Variants in CNTN4 observed in about 807,000 individuals in gnomAD.
The protein encoded by CNTN4 is contactin-4.
Under a neutral mutation model 122.5 loss-of-function variants are expected in CNTN4, and 77 were observed. The ratio of observed to expected loss-of-function variants is 0.63; its 90% confidence interval spans 0.52 to 0.76. The LOEUF (loss-of-function observed/expected upper bound fraction) is 0.76. CNTN4 is among the 30% of genes least tolerant of loss of function. The pLI, the probability that CNTN4 is intolerant of heterozygous loss-of-function variation, is 0.00. For synonymous variants in CNTN4, 512 were observed against 447.0 expected, an observed-to-expected ratio of 1.15 and a Z score of -1.83; for missense variants, 1,256 against 1,259.1, an observed-to-expected ratio of 1.00 and a Z score of 0.04.
intron 12 of CNTN4, among the ~76,000 whole-genome samples, chr3:2,905,583 A>G (rs1450208677): frequency 6.6e-6 from 1 of 152,224 alleles, no homozygotes; most frequent in East Asian, 1.9e-4. Flanking sequence ...TAGGATTTCA[A>G]CATAGGAATT....
intron 4 of CNTN4, among the ~76,000 whole-genome samples, chr3:2,671,831 C>T (rs1031109721): frequency 6.6e-6 from 1 of 152,216 alleles, no homozygotes; most frequent in Non-Finnish European, 1.5e-5. Flanking sequence ...GGACCCTCAG[C>T]TGCAGGTCTG....
intron 7 of CNTN4, 77 bp downstream of exon 7, chr3:2,819,658 C>T: frequency 1.9e-6 from 2 of 1,056,460 alleles, no homozygotes; most frequent in South Asian, 2.6e-5. Flanking sequence ...CTCCTGACAC[C>T]AGCTGAGTGC....
chr3:2,430,149 C>T (rs980326516), intron 3 of CNTN4, among the ~76,000 whole-genome samples: 2 of 152,072 alleles, frequency 1.3e-5, no homozygotes, highest in South Asian at 2.1e-4. Flanking sequence ...ATTGGCCGGG[C>T]TCAGTGGCTC....
At position 3,040,108 on chromosome 3, in the gene CNTN4, G is replaced by T. The variant is rs1300959606; in HGVS notation, c.2235G>T (p.Met745Ile). 1 of 1,614,204 alleles carries T rather than the reference G, an allele frequency of 6.2e-7. No individual in the cohort carries two copies. The highest frequency in any genetic ancestry group is 8.5e-7 in the Non-Finnish European group (1 of 1,180,006). ...YVVAFRPYGKMIWMLTVLASA... is the reference protein window; with the variant it reads ...YVVAFRPYGKIIWMLTVLASA... ...TGGCCTTCCGGCCCTACGGTAAAAT[G>T]ATCTGGATGCTGACAGTGCTGGCCT... The change falls in exon 20 of 25, where the codon ATG becomes ATT. Residue 745 changes from methionine (M) to isoleucine (I), a missense_variant. Coordinates refer to ENST00000418658, the MANE Select transcript of CNTN4 (RefSeq NM_175607.3).
At chr3:2,778,458 A>G (rs2091438290) in intron 6 of CNTN4, among the ~76,000 whole-genome samples, 1 of 152,104 alleles carries the variant, frequency 6.6e-6, no homozygotes, top group Non-Finnish European at 1.5e-5. Flanking sequence ...CCTAAGCTCT[A>G]AGACCCAAAG....
chr3:2,272,489 G>A (rs1393715336), intron 2 of CNTN4, among the ~76,000 whole-genome samples: 1 of 152,156 alleles, frequency 6.6e-6, no homozygotes, highest in Non-Finnish European at 1.5e-5. Context: ...ATGGAGATGT[G>A]TAGTTTGGTT....
rs774015066 is a variant in CNTN4, at chr3:2,481,032, CT to C, written c.-88-90380del. ...TTCTTTCTTTCTTTCTTTTCTTTTTCTTTTCTTTCTTTCTTTCTTTCTTTCT... is the reference window on the plus strand; with the variant it reads ...TTCTTTCTTTCTTTCTTTTCTTTTTCTTTCTTTCTTTCTTTCTTTCTTTCT... On this transcript the variant is annotated intron_variant, in intron 3 of 24. Coordinates refer to ENST00000418658, the MANE Select transcript of CNTN4 (RefSeq NM_175607.3). 1.5e-4 allele frequency among the ~76,000 whole-genome samples: 7 copies of C among 47,378 alleles called. No homozygotes were observed. In the East Asian group the frequency reaches 4.0e-3, roughly 27 times the overall value. 31.1% of individuals were successfully genotyped at this position (47,378 alleles called of 152,430 possible). A position where few individuals can be genotyped will look rare whatever the true frequency, so the allele number is the denominator to read the frequency against.
At chr3:2,557,750 C>CAA (rs1161308559) in intron 3 of CNTN4, among the ~76,000 whole-genome samples, 15 of 106,002 alleles carry the variant, frequency 1.4e-4, no homozygotes, top group African/African-American at 3.6e-4. Context: ...GATTCTGTCT[C>CAA]AAAAAAAAAA....
At chr3:2,440,133 T>G (rs1575634493) in intron 3 of CNTN4, among the ~76,000 whole-genome samples, 2 of 152,200 alleles carry the variant, frequency 1.3e-5, no homozygotes, top group African/African-American at 2.4e-5. Flanking sequence ...ACTGTCCAGA[T>G]CACTTTTTTT....
At chr3:2,865,213 T>C (rs2093711442) in intron 7 of CNTN4, among the ~76,000 whole-genome samples, 1 of 152,332 alleles carries the variant, frequency 6.6e-6, no homozygotes, top group East Asian at 1.9e-4. Flanking sequence ...AACATAATTA[T>C]ATCTTTCTAA....
chr3:2,386,119 G>A (rs968305321), intron 3 of CNTN4, among the ~76,000 whole-genome samples: 2 of 151,954 alleles, frequency 1.3e-5, no homozygotes, highest in East Asian at 3.9e-4. Flanking sequence ...TCAAGTAAGG[G>A]CCTATATATT....
chr3:2,390,829 G>A (rs1248469624), intron 3 of CNTN4, among the ~76,000 whole-genome samples: 1 of 152,012 alleles, frequency 6.6e-6, no homozygotes, highest in Non-Finnish European at 1.5e-5. Flanking sequence ...TCTTGCACTT[G>A]GAAATTTTGC....
At chr3:2,369,042 A>T (rs1176826947) in intron 3 of CNTN4, among the ~76,000 whole-genome samples, 2 of 152,074 alleles carry the variant, frequency 1.3e-5, no homozygotes, top group African/African-American at 2.4e-5. Flanking sequence ...CTCCTGCCTC[A>T]GCTCCCGAGT....
At chr3:2,596,048 A>G (rs1346413846) in intron 4 of CNTN4, among the ~76,000 whole-genome samples, 1 of 152,250 alleles carries the variant, frequency 6.6e-6, no homozygotes, top group East Asian at 1.9e-4. Context: ...TTTGTGAATA[A>G]AAAATAACAC....
At chr3:3,001,931 T>C (rs558526024) in intron 14 of CNTN4, among the ~76,000 whole-genome samples, 1 of 152,342 alleles carries the variant, frequency 6.6e-6, no homozygotes, top group South Asian at 2.1e-4. Context: ...ATGGACATGA[T>C]CTTCTCAGGA....
chr3:2,575,877 A>T (rs1437619970), intron 4 of CNTN4, among the ~76,000 whole-genome samples: 1 of 132,556 alleles, frequency 7.5e-6, no homozygotes, highest in Non-Finnish European at 1.5e-5. Context: ...GCTGGAGTGC[A>T]GGGGTGTGAT....
chr3:2,182,603 G>A (rs1483538868), intron 2 of CNTN4, among the ~76,000 whole-genome samples: 2 of 152,088 alleles, frequency 1.3e-5, no homozygotes, highest in Non-Finnish European at 2.9e-5. Context: ...ACAGCTTATT[G>A]TATATGTTAT....
At chr3:2,156,552 G>GA (rs1306286156) in intron 2 of CNTN4, among the ~76,000 whole-genome samples, 2 of 152,164 alleles carry the variant, frequency 1.3e-5, no homozygotes, top group African/African-American at 4.8e-5. Flanking sequence ...AGATAAATCG[G>GA]AAAAATAAGA....
intron 3 of CNTN4, among the ~76,000 whole-genome samples, chr3:2,409,282 C>T (rs1559527242): frequency 7.0e-6 from 1 of 142,522 alleles, no homozygotes; most frequent in African/African-American, 2.6e-5. Flanking sequence ...GTGTCTCGCT[C>T]TGTCGCCCAG....
Sources: allele counts gnomAD v4.1 joint callset (sites outside exome capture counted in the v4.1 genomes callset), GRCh38; gene constraint gnomAD v4.1.1; transcripts MANE v1.5; gene names NCBI Gene and HGNC (gene_info 2026-07-23, HGNC 2026-07-21).